The following FAR2 variants were observed in gnomAD, a reference collection of about 807,000 sequenced individuals.
FAR2 encodes the protein epididymis secretory protein Li 81.
Under a neutral mutation model 56.0 loss-of-function variants are expected in FAR2, and 19 were observed. The ratio of observed to expected loss-of-function variants is 0.34; its 90% CI spans 0.24 to 0.50. FAR2 has a LOEUF of 0.50. Among genes scored for constraint, FAR2 ranks in the 20% least tolerant of loss-of-function variants. The pLI is 0.98. For missense variants in FAR2, 508 were observed against 642.2 expected, an observed-to-expected ratio of 0.79 and a Z score of 2.26; for synonymous variants, 219 against 218.8, an observed-to-expected ratio of 1.00 and a Z score of -0.01.
chr12:29,179,438 T>A (rs1003963107), intron 1 of FAR2, among the ~76,000 whole-genome samples: 11 of 152,206 alleles, frequency 7.2e-5, no homozygotes, highest in Non-Finnish European at 1.3e-4. Context: ...CCAGGTTCTT[T>A]ACATACATTC....
At chr12:29,318,654 C>T (rs1949496643) in intron 9 of FAR2, among the ~76,000 whole-genome samples, 3 of 152,112 alleles carry the variant, frequency 2.0e-5, no homozygotes, top group South Asian at 4.1e-4. Context: ...CATATATGGA[C>T]GTACATAGTT....
rs1041422235 is a variant in FAR2 at position 29,333,878 on chromosome 12, C to A, written c.*84C>A. The stretch of plus-strand genomic sequence containing the variant: ...TGTGATTCTCAAGATTAGAAAGTAA[C>A]AAGGAATATGCCCAAACTGTCAAAT... On this transcript the variant is annotated 3_prime_UTR_variant, in exon 12 of 12. Coordinates refer to ENST00000536681, the MANE Select transcript of FAR2 (RefSeq NM_001271783.2). 3.1e-6 allele frequency: 4 copies of A among 1,295,758 alleles called. No individual in the cohort carries two copies. The highest frequency in any genetic ancestry group is 2.2e-6 in the Non-Finnish European group (2 of 921,588). 80.3% of individuals were successfully genotyped at this position (1,295,758 alleles called of 1,614,324 possible).
chr12:29,220,126 C>A (rs1321331804), intron 1 of FAR2, among the ~76,000 whole-genome samples: 8 of 152,140 alleles, frequency 5.3e-5, no homozygotes, highest in Admixed American at 5.2e-4. Flanking sequence ...GCACTAGAAC[C>A]CAGGGCTTTG....
intron 8 of FAR2, among the ~76,000 whole-genome samples, chr12:29,313,431 A>G (rs1343893221): frequency 2.0e-5 from 3 of 152,094 alleles, no homozygotes; most frequent in Non-Finnish European, 4.4e-5. Context: ...TCTTTTTTAT[A>G]TTCTGTTTAA....
chr12:29,329,879 A>C (rs1359159416), intron 10 of FAR2, among the ~76,000 whole-genome samples: 1 of 152,188 alleles, frequency 6.6e-6, no homozygotes, highest in African/African-American at 2.4e-5. Flanking sequence ...ATTTAAAAAG[A>C]GAATGCCCAT....
chr12:29,317,132 C>T (rs1438328307), intron 9 of FAR2, 120 bp downstream of exon 9: 5 of 1,064,054 alleles, frequency 4.7e-6, no homozygotes, highest in African/African-American at 3.1e-5. Context: ...CCCATATATA[C>T]AGATTGAACA....
At chr12:29,210,802 C>G (rs111601151) in intron 1 of FAR2, among the ~76,000 whole-genome samples, 113 of 152,184 alleles carry the variant, frequency 7.4e-4, no homozygotes, top group African/African-American at 2.6e-3. Flanking sequence ...AAATAGAAAA[C>G]TTAATCGGGT....
intron 4 of FAR2, among the ~76,000 whole-genome samples, chr12:29,297,772 G>A (rs1163897778): frequency 6.6e-6 from 1 of 152,204 alleles, no homozygotes. Context: ...GAGGCTGGGG[G>A]TGGTGGCTCA....
intron 1 of FAR2, among the ~76,000 whole-genome samples, chr12:29,240,814 T>C (rs1331678275): frequency 3.9e-5 from 6 of 151,932 alleles, no homozygotes; most frequent in African/African-American, 1.2e-4. Context: ...TTTTTTTATA[T>C]ATTTTTTTTG....
At chr12:29,230,423 G>T (rs778893784) in intron 1 of FAR2, among the ~76,000 whole-genome samples, 3 of 151,944 alleles carry the variant, frequency 2.0e-5, no homozygotes, top group Non-Finnish European at 4.4e-5. Flanking sequence ...TGTTGTGATG[G>T]GAGAGGGAAA....
chr12:29,308,131 C>T (rs1164926557), intron 5 of FAR2: 2 of 253,670 alleles, frequency 7.9e-6, no homozygotes, highest in African/African-American at 4.5e-5. Context: ...CTTGGCTTTC[C>T]TACTATAGTT....
chr12:29,184,508 C>T (rs1477995367), intron 1 of FAR2, among the ~76,000 whole-genome samples: 1 of 140,956 alleles, frequency 7.1e-6, no homozygotes, highest in Non-Finnish European at 1.5e-5. Flanking sequence ...GATCTCAGCT[C>T]ACTGCAACCT....
At chr12:29,197,345 AG>A (rs1251436516) in intron 1 of FAR2, among the ~76,000 whole-genome samples, 1 of 152,220 alleles carries the variant, frequency 6.6e-6, no homozygotes, top group African/African-American at 2.4e-5. Context: ...TTACACTTAC[AG>A]GAATATGTTG....
chr12:29,157,010 A>C (rs1022938334), intron 1 of FAR2: 5 of 151,040 alleles, frequency 3.3e-5, no homozygotes, highest in African/African-American at 1.2e-4. Flanking sequence ...TCTGTGAGAT[A>C]TCTAACTTTA....
chr12:29,215,439 C>T lies in FAR2; in HGVS notation c.-38-54973C>T, dbSNP rs540789860. ...TGGTCTGTTGTTTTGGTTAAGCTCC[C>T]GTAGTCACAGGCATCTTTCATTTGT... On this transcript the variant is annotated intron_variant, in intron 1 of 11. Coordinates refer to ENST00000536681, the MANE Select transcript of FAR2 (RefSeq NM_001271783.2). Among the ~76,000 whole-genome samples, 18 of 152,178 alleles carry T rather than the reference C, an allele frequency of 1.2e-4. No homozygotes were observed. In the South Asian group the frequency reaches 3.3e-3, roughly 28 times the overall value.
chr12:29,202,468 C>CAGTTTTTT (rs1243869705), intron 1 of FAR2, among the ~76,000 whole-genome samples: 3 of 152,106 alleles, frequency 2.0e-5, no homozygotes, highest in Non-Finnish European at 4.4e-5. Context: ...CTGATAGAGT[C>CAGTTTTTT]ATTTATTTCC....
intron 1 of FAR2, among the ~76,000 whole-genome samples, chr12:29,220,244 A>G (rs1388230765): frequency 1.3e-5 from 2 of 152,188 alleles, no homozygotes; most frequent in African/African-American, 4.8e-5. Context: ...ATTTTCCCTG[A>G]TGATGAATGT....
At chr12:29,265,723 A>G (rs993389748) in intron 1 of FAR2, among the ~76,000 whole-genome samples, 1 of 152,210 alleles carries the variant, frequency 6.6e-6, no homozygotes, top group Non-Finnish European at 1.5e-5. Context: ...CAAAGTAAAG[A>G]GGCCACCCAC....
chr12:29,250,137 C>T (rs574452630), intron 1 of FAR2, among the ~76,000 whole-genome samples: 7 of 133,918 alleles, frequency 5.2e-5, no homozygotes, highest in Admixed American at 1.4e-4. Context: ...TAGTGTGTGA[C>T]GGCTAATATG....
Sources: allele counts gnomAD v4.1 joint callset (sites outside exome capture counted in the v4.1 genomes callset), GRCh38; gene constraint gnomAD v4.1.1; transcripts MANE v1.5; gene names NCBI Gene and HGNC (gene_info 2026-07-23, HGNC 2026-07-21).